The following MYRFL variants were observed in gnomAD, a reference collection of about 807,000 sequenced individuals.
The protein encoded by MYRFL is myelin regulatory factor-like protein.
A neutral mutation model predicts 109.4 loss-of-function variants in MYRFL; 88 were observed. The ratio of observed to expected loss-of-function variants is 0.80; its 90% confidence interval spans 0.68 to 0.96. The LOEUF is 0.96. MYRFL is among the 40% of genes least tolerant of loss of function. The pLI is 0.00. For synonymous variants in MYRFL, 324 were observed against 320.9 expected, an observed-to-expected ratio of 1.01 and a Z score of -0.10; for missense variants, 957 against 954.9, an observed-to-expected ratio of 1.00 and a Z score of -0.03.
intron 8 of MYRFL, among the ~76,000 whole-genome samples, chr12:69,894,908 G>A (rs1592774993): frequency 6.6e-6 from 1 of 152,342 alleles, no homozygotes; most frequent in South Asian, 2.1e-4. Context: ...TGGGCAGGGT[G>A]TTTGTGGCCT....
chr12:69,878,878 G>C (rs1885860194), intron 2 of MYRFL, 150 bp from the exon 3 acceptor site: 1 of 647,608 alleles, frequency 1.5e-6, no homozygotes, highest in Non-Finnish European at 2.8e-6. Context: ...GGTCTGCTGG[G>C]GTCTCACTTC....
intron 5 of MYRFL, among the ~76,000 whole-genome samples, chr12:69,886,358 C>T (rs1886449935): frequency 6.6e-6 from 1 of 152,132 alleles, no homozygotes; most frequent in Non-Finnish European, 1.5e-5. Context: ...AGGTTCAAAC[C>T]TCATGGAGAA....
chr12:69,898,865 G>A (rs978642592), intron 10 of MYRFL, among the ~76,000 whole-genome samples: 1 of 151,620 alleles, frequency 6.6e-6, no homozygotes, highest in African/African-American at 2.4e-5. Flanking sequence ...ACATGAGAGG[G>A]AGGGAGCTCC....
chr12:69,903,748 T>C lies in MYRFL; in HGVS notation c.1287T>C (p.Asp429=). The change falls in exon 11 of 25, where the codon GAT becomes GAC. Residue 429 remains aspartate, a synonymous_variant. Coordinates refer to ENST00000552032, the MANE Select transcript of MYRFL (RefSeq NM_182530.3). ...ACGGTCGAGTAGGAATCAACACAGA[T>C]GCGCCGGACGAAGCCCTGGTTGTCT... ...VCHGRVGINT[D]APDEALVVCG... is the part of the protein sequence containing the mutation. 6.5e-7 allele frequency: 1 copy of C among 1,535,822 alleles called. No individual in the cohort carries two copies. Among genetic ancestry groups the C allele is most frequent in the Non-Finnish European group, 8.7e-7 (1 of 1,146,686 alleles).
At chr12:69,879,576 C>G (rs940185704) in intron 4 of MYRFL, 123 bp downstream of exon 4, 3 of 595,006 alleles carry the variant, frequency 5.0e-6, no homozygotes, top group Non-Finnish European at 9.0e-6. Flanking sequence ...AGTGTTGAGA[C>G]GCGTATAGGA....
chr12:69,868,912 A>G (rs575968808), intron 2 of MYRFL, among the ~76,000 whole-genome samples: 96 of 152,174 alleles, frequency 6.3e-4, no homozygotes, highest in Non-Finnish European at 1.0e-3. Context: ...ACACGCGCAC[A>G]CACACATGTA....
intron 5 of MYRFL, among the ~76,000 whole-genome samples, chr12:69,880,836 A>G (rs559124181): frequency 5.9e-5 from 9 of 152,192 alleles, no homozygotes; most frequent in African/African-American, 2.2e-4. Flanking sequence ...TGGAAAGTTG[A>G]ACTTTTCCTC....
intron 1 of MYRFL, among the ~76,000 whole-genome samples, chr12:69,834,667 G>T (rs759402188): frequency 1.3e-5 from 2 of 152,140 alleles, no homozygotes; most frequent in African/African-American, 2.4e-5. Context: ...AACAAGTACA[G>T]CTACATACAT....
At chr12:69,873,319 C>T (rs35637757) in intron 2 of MYRFL, among the ~76,000 whole-genome samples, 9,312 of 152,188 alleles carry the variant, frequency 0.061, 727 homozygotes, top group African/African-American at 0.18. Context: ...GGGCTGCATC[C>T]GTCCTGGGCT....
At chr12:69,945,254 G>C (rs941681074) in intron 19 of MYRFL, among the ~76,000 whole-genome samples, 16 of 152,108 alleles carry the variant, frequency 1.1e-4, no homozygotes, top group African/African-American at 3.6e-4. Context: ...AGTGTCCCAG[G>C]CCTTCAGATT....
rs185923227 is a variant in MYRFL at position 69,827,723 on chromosome 12, A to G, written c.46+2160A>G. Among the ~76,000 whole-genome samples, 148 of 152,240 alleles carry G rather than the reference A, an allele frequency of 9.7e-4. 3 individuals carry two copies. The highest frequency in any genetic ancestry group is 3.5e-3 in the African/African-American group (144 of 41,570). On this transcript the variant is annotated intron_variant, in intron 1 of 24. Coordinates refer to ENST00000552032, the MANE Select transcript of MYRFL (RefSeq NM_182530.3). ...ACATATAATGGAATATTTTATGGCT[A>G]TTAAAAATGATGACAAGGAAAAATG...
intron 2 of MYRFL, among the ~76,000 whole-genome samples, chr12:69,865,860 A>T (rs879776706): frequency 6.6e-6 from 1 of 152,184 alleles, no homozygotes; most frequent in Non-Finnish European, 1.5e-5. Context: ...GTGAAGTAGA[A>T]GAGGAAGTTA....
At chr12:69,831,157 G>A (rs1172635420) in intron 1 of MYRFL, among the ~76,000 whole-genome samples, 1 of 152,090 alleles carries the variant, frequency 6.6e-6, no homozygotes, top group Non-Finnish European at 1.5e-5. Flanking sequence ...CATACAGTAA[G>A]CATCTCTTAA....
At chr12:69,881,578 G>A (rs1886114507) in intron 5 of MYRFL, among the ~76,000 whole-genome samples, 1 of 152,208 alleles carries the variant, frequency 6.6e-6, no homozygotes, top group South Asian at 2.1e-4. Context: ...CAGCTCCAGC[G>A]TGGGCTGTGG....
intron 13 of MYRFL, among the ~76,000 whole-genome samples, chr12:69,925,054 T>TA (rs1332155738): frequency 2.0e-5 from 3 of 152,202 alleles, no homozygotes; most frequent in Non-Finnish European, 4.4e-5. Context: ...TAACACCTGA[T>TA]ACAAGGCAAA....
At chr12:69,873,337 G>A (rs1323855729) in intron 2 of MYRFL, among the ~76,000 whole-genome samples, 1 of 152,166 alleles carries the variant, frequency 6.6e-6, no homozygotes, top group African/African-American at 2.4e-5. Context: ...GCTGCATGCA[G>A]CCCACGGGTG....
At chr12:69,864,702 T>A (rs1884911702) in intron 2 of MYRFL, among the ~76,000 whole-genome samples, 1 of 150,032 alleles carries the variant, frequency 6.7e-6, no homozygotes, top group Non-Finnish European at 1.5e-5. Flanking sequence ...GCTAGTAGGT[T>A]GCCAAATGTC....
At chr12:69,860,488 G>T (rs1010552798) in intron 2 of MYRFL, among the ~76,000 whole-genome samples, 2 of 151,822 alleles carry the variant, frequency 1.3e-5, no homozygotes, top group African/African-American at 2.4e-5. Flanking sequence ...TTTATTCAGC[G>T]TATCATTGGG....
At chr12:69,876,170 G>T (rs1337155338) in intron 2 of MYRFL, among the ~76,000 whole-genome samples, 1 of 152,090 alleles carries the variant, frequency 6.6e-6, no homozygotes, top group Non-Finnish European at 1.5e-5. Context: ...CCCAAAATTT[G>T]TTTTCTGGTT....
Sources: allele counts gnomAD v4.1 joint callset (sites outside exome capture counted in the v4.1 genomes callset), GRCh38; gene constraint gnomAD v4.1.1; transcripts MANE v1.5; gene names NCBI Gene and HGNC (gene_info 2026-07-23, HGNC 2026-07-21).